Variants in NUP98 observed in about 807,000 individuals in gnomAD.
The protein encoded by NUP98 is nuclear pore complex protein Nup98-Nup96.
A neutral mutation model predicts 191.9 loss-of-function variants in NUP98; 26 were observed. That is an observed-to-expected ratio of 0.14 (90% CI 0.10 to 0.19). The LOEUF is 0.19. NUP98 is among the 10% of genes least tolerant of loss of function. The pLI is 1.00. For synonymous variants in NUP98, 808 were observed against 778.4 expected (o/e 1.04, Z -0.63); for missense variants, 1,941 against 2,178.8 (o/e 0.89, Z 2.17).
intron 25 of NUP98, 124 bp downstream of exon 25, chr11:3,698,958 G>A: frequency 9.5e-7 from 1 of 1,056,822 alleles, no homozygotes. Flanking sequence ...ATCTTTCTGG[G>A]AAGTCCGCAA....
chr11:3,780,028 A>T (rs571561746), intron 2 of NUP98, among the ~76,000 whole-genome samples: 5 of 152,282 alleles, frequency 3.3e-5, no homozygotes, highest in African/African-American at 1.2e-4. Context: ...TCATTAGCGG[A>T]ACACATCAGA....
At chr11:3,747,205 G>A (rs1017878263) in intron 11 of NUP98, among the ~76,000 whole-genome samples, 1 of 151,982 alleles carries the variant, frequency 6.6e-6, no homozygotes, top group African/African-American at 2.4e-5. Context: ...GCTATATGGG[G>A]GGCAAAATGG....
chr11:3,754,640 C>A (rs2080892977), intron 10 of NUP98, among the ~76,000 whole-genome samples: 1 of 151,984 alleles, frequency 6.6e-6, no homozygotes, highest in Non-Finnish European at 1.5e-5. Flanking sequence ...TATAATTTCC[C>A]TTTAAAATCC....
chr11:3,744,784 G>A, intron 11 of NUP98, 135 bp from the exon 12 acceptor site: 2 of 939,924 alleles, frequency 2.1e-6, no homozygotes, highest in East Asian at 2.6e-5. Context: ...GGTGAATACG[G>A]TAAGTGTTAC....
chr11:3,735,951 G>A (rs908551769), intron 12 of NUP98, among the ~76,000 whole-genome samples: 9 of 151,222 alleles, frequency 6.0e-5, no homozygotes, highest in South Asian at 4.2e-4. Context: ...CACCCAGGCT[G>A]GAGTGTAGTG....
rs556394656 is a variant in NUP98, at chr11:3,731,291, T to C, written c.1730+100A>G. On this transcript the variant is annotated intron_variant, in intron 14 of 32. Coordinates refer to ENST00000324932, the MANE Select transcript of NUP98 (RefSeq NM_016320.5). ...AAACAAAAACAAAAACAAAGTGGACTGTATCACATCTATAATATATTTAAA... is the reference window on the plus strand; with the variant it reads ...AAACAAAAACAAAAACAAAGTGGACCGTATCACATCTATAATATATTTAAA... 115 of 797,244 alleles carry C rather than the reference T, an allele frequency of 1.4e-4. No individual in the cohort carries two copies. The African/African-American group carries it at 1.9e-3, about 13-fold the overall frequency. 49.4% of individuals were successfully genotyped at this position (797,244 alleles called of 1,614,324 possible).
intron 26 of NUP98, 145 bp downstream of exon 26, chr11:3,695,304 C>A (rs778732250): frequency 2.6e-5 from 17 of 664,110 alleles, no homozygotes; most frequent in African/African-American, 3.7e-5. Context: ...GCATGCCTGC[C>A]TTTATAATTT....
chr11:3,742,945 C>G (rs1162536224), intron 12 of NUP98, among the ~76,000 whole-genome samples: 1 of 152,238 alleles, frequency 6.6e-6, no homozygotes, highest in South Asian at 2.1e-4. Context: ...TTCTATTTAT[C>G]TCAGTTACTC....
At chr11:3,757,107 A>ATG (rs1173103819) in intron 10 of NUP98, among the ~76,000 whole-genome samples, 1 of 134,700 alleles carries the variant, frequency 7.4e-6, no homozygotes, top group Non-Finnish European at 1.5e-5. Flanking sequence ...ATATATATAT[A>ATG]TATCTATATA....
Position 3,753,847 on chromosome 11 carries a change from G to GA in NUP98, c.1175-440dup, listed in dbSNP as rs202088496. Among the ~76,000 whole-genome samples, 984 of 148,736 alleles carry GA rather than the reference G, an allele frequency of 6.6e-3. 4 individuals are homozygous for GA. Among genetic ancestry groups the GA allele is most frequent in the Middle Eastern group, 0.022 (6 of 276 alleles). On this transcript the variant is annotated intron_variant, in intron 10 of 32. Transcript: ENST00000324932. ...CCAGCTACTCGGGAGGCTAAGGTGG[G>GA]AAAATCGTTTCAACCCAGGAGGCAA...
chr11:3,775,238 T>C (rs1356853138), intron 5 of NUP98, among the ~76,000 whole-genome samples: 1 of 152,102 alleles, frequency 6.6e-6, no homozygotes, highest in Non-Finnish European at 1.5e-5. Flanking sequence ...CCATAAAGAT[T>C]AGTTGACCAG....
chr11:3,752,477 A>G (rs1028303086), intron 11 of NUP98, among the ~76,000 whole-genome samples: 2 of 152,002 alleles, frequency 1.3e-5, no homozygotes, highest in African/African-American at 4.8e-5. Flanking sequence ...AGACTGCACC[A>G]CTGCACTCCA....
intron 13 of NUP98, among the ~76,000 whole-genome samples, chr11:3,733,613 G>A (rs1169430124): frequency 6.6e-6 from 1 of 152,086 alleles, no homozygotes; most frequent in Non-Finnish European, 1.5e-5. Context: ...TGCCCACTGT[G>A]CCCGGCCTTC....
chr11:3,678,264 C>G (rs941578217), intron 31 of NUP98, among the ~76,000 whole-genome samples: 4 of 151,540 alleles, frequency 2.6e-5, no homozygotes, highest in African/African-American at 7.2e-5. Context: ...CTACCCCACC[C>G]ACCTTTTTCT....
rs1195188299 is a variant in NUP98, at chr11:3,748,049, A to G, written c.1268-3400T>C. On this transcript the variant is annotated intron_variant, in intron 11 of 32. Coordinates refer to ENST00000324932, the MANE Select transcript of NUP98 (RefSeq NM_016320.5). ...CTTTTAGTTTATAGGAGAGGCATGTATAAGGAATATACAACAGCAACACAA... is the reference window on the plus strand; with the variant it reads ...CTTTTAGTTTATAGGAGAGGCATGTGTAAGGAATATACAACAGCAACACAA... Among the ~76,000 whole-genome samples the G allele has an allele frequency of 3.3e-5, 5 of 152,240 alleles. No individual in the cohort carries two copies. The East Asian group carries it at 9.6e-4, about 29-fold the overall frequency.
intron 6 of NUP98, 80 bp from the exon 7 acceptor site, chr11:3,772,008 G>C (rs1043449664): frequency 1.7e-6 from 2 of 1,194,156 alleles, no homozygotes; most frequent in East Asian, 4.8e-5. Flanking sequence ...CTTGAATTTA[G>C]TATTCAAGTT....
intron 1 of NUP98, among the ~76,000 whole-genome samples, chr11:3,787,953 C>G (rs2082198165): frequency 6.6e-6 from 1 of 152,144 alleles, no homozygotes; most frequent in Non-Finnish European, 1.5e-5. Context: ...GATCGGGCCA[C>G]TGCACTCCAG....
chr11:3,752,118 T>C (rs2080782263), intron 11 of NUP98, among the ~76,000 whole-genome samples: 1 of 147,948 alleles, frequency 6.8e-6, no homozygotes, highest in Admixed American at 6.9e-5. Context: ...CACTCCAGCC[T>C]GGGGGACGGA....
chr11:3,735,383 A>T, intron 12 of NUP98, 59 bp from the exon 13 acceptor site: 7 of 946,868 alleles, frequency 7.4e-6, no homozygotes, highest in Non-Finnish European at 9.7e-6. Flanking sequence ...CAAGGATACA[A>T]TGCATTTGTA....
Sources: allele counts gnomAD v4.1 joint callset (sites outside exome capture counted in the v4.1 genomes callset), GRCh38; gene constraint gnomAD v4.1.1; transcripts MANE v1.5; gene names NCBI Gene and HGNC (gene_info 2026-07-23, HGNC 2026-07-21).